Variants in ZNF398 observed in about 807,000 individuals in gnomAD.
ZNF398 encodes the protein zinc finger protein 398, also known as zinc finger DNA binding protein ZER6.
A neutral mutation model predicts 41.9 loss-of-function variants in ZNF398; 18 were observed. The observed-to-expected ratio is 0.43, with a 90% CI of 0.30 to 0.64. The LOEUF is 0.64. Among genes scored for constraint, ZNF398 ranks in the 30% least tolerant of loss-of-function variants. The pLI is 0.14. For synonymous variants in ZNF398, 260 were observed against 308.8 expected (o/e 0.84, Z 1.66); for missense variants, 669 against 822.8 (o/e 0.81, Z 2.29).
chr7:149,163,900 G>A (rs1417129996), intron 2 of ZNF398, among the ~76,000 whole-genome samples: 1 of 151,494 alleles, frequency 6.6e-6, no homozygotes, highest in Admixed American at 6.6e-5. Context: ...ATCATTTGAG[G>A]TCAGGAGTCG....
exon 1 of ZNF398, chr7:149,126,453 G>A (rs1356976887): frequency 7.6e-5 from 49 of 645,466 alleles, no homozygotes; most frequent in South Asian, 6.6e-5. Context: ...CCCTCCGTGC[G>A]GGCCGCAGCA....
At chr7:149,156,861 CAAAAA>C (rs11400806) in intron 2 of ZNF398, among the ~76,000 whole-genome samples, 1 of 141,180 alleles carries the variant, frequency 7.1e-6, no homozygotes, top group South Asian at 2.2e-4. Flanking sequence ...AACTCCATTT[CAAAAA>C]AAAAAAAAAG....
intron 2 of ZNF398, among the ~76,000 whole-genome samples, chr7:149,135,827 C>A (rs948227298): frequency 6.6e-6 from 1 of 151,846 alleles, no homozygotes; most frequent in African/African-American, 2.4e-5. Context: ...CATGGTGGTG[C>A]GCGCCTGTAG....
At chr7:149,176,159 C>T (rs1479498383) in intron 4 of ZNF398, among the ~76,000 whole-genome samples, 1 of 151,822 alleles carries the variant, frequency 6.6e-6, no homozygotes, top group Admixed American at 6.6e-5. Flanking sequence ...GGTGAAACCC[C>T]ATCTCTACTA....
In ZNF398 at chr7:149,147,593, C is replaced by G. The variant is rs1245018134; in HGVS notation, c.-150C>G. 3.4e-6 allele frequency: 3 copies of G among 886,436 alleles called. No individual in the cohort carries two copies. The highest frequency in any genetic ancestry group is 1.8e-5 in the African/African-American group (1 of 56,838). The allele number at this position is 886,436 out of a possible 1,614,324, so 54.9% of individuals were successfully genotyped here. ...CCTGCGCGTCCCGAGCCCCGACGGC[C>G]GCGTGAGTCCCGTCCGTGCGGGGAA... On this transcript the variant is annotated 5_prime_UTR_variant, in exon 1 of 6. Coordinates refer to ENST00000475153, the MANE Select transcript of ZNF398 (RefSeq NM_170686.3). This position sits in a 1 kb window ranked among gnomAD's most constrained non-coding sequence, Gnocchi z 5.6.
At chr7:149,137,030 C>G (rs1826728924) in intron 2 of ZNF398, among the ~76,000 whole-genome samples, 1 of 152,014 alleles carries the variant, frequency 6.6e-6, no homozygotes, top group Non-Finnish European at 1.5e-5. Flanking sequence ...GCATGCCTGG[C>G]TAATTTTTGT....
At position 149,147,785 on chromosome 7, in the gene ZNF398, G is replaced by A. The variant is rs1826990939; in HGVS notation, c.24+19G>A. On this transcript the variant is annotated intron_variant, in intron 1 of 5. Transcript: ENST00000475153. The surrounding 1 kb of genome is among the most constrained non-coding windows in gnomAD (Gnocchi z 5.6). ...GGCCCCGGTAAGGGCGGCCGCGCGC[G>A]AGTGTTGTGAGCCCCCGAGACCCAG... is the stretch of plus-strand genomic sequence containing the variant. The A allele has an allele frequency of 2.1e-6, 3 of 1,396,142 alleles. No homozygotes were observed. The highest frequency in any genetic ancestry group is 1.6e-5 in the South Asian group (1 of 64,358). 86.5% of individuals were successfully genotyped at this position (1,396,142 alleles called of 1,614,324 possible).
intron 2 of ZNF398, among the ~76,000 whole-genome samples, chr7:149,161,219 G>T (rs939165094): frequency 2.0e-5 from 3 of 152,060 alleles, no homozygotes; most frequent in Non-Finnish European, 4.4e-5. Flanking sequence ...GAGACAATGG[G>T]CTGACAACCT....
At chr7:149,166,440 T>C (rs1186612810) in intron 3 of ZNF398, among the ~76,000 whole-genome samples, 156 bp downstream of exon 3, 5 of 152,220 alleles carry the variant, frequency 3.3e-5, no homozygotes. Flanking sequence ...GCTTGCTAAC[T>C]AGGAATCATA....
intron 3 of ZNF398, 125 bp downstream of exon 3, chr7:149,166,409 G>T: frequency 8.6e-7 from 1 of 1,166,960 alleles, no homozygotes. Context: ...CTGGTTTCAA[G>T]CCAAAATATG....
At chr7:149,155,521 T>C (rs1169714483) in intron 2 of ZNF398, among the ~76,000 whole-genome samples, 3 of 151,872 alleles carry the variant, frequency 2.0e-5, no homozygotes, top group African/African-American at 7.3e-5. Context: ...AGCTTAAGCA[T>C]GAATAATTTT....
chr7:149,182,702 CTT>C lies in ZNF398; in HGVS notation c.*2903_*2904del, dbSNP rs764464545. The C allele has an allele frequency of 6.6e-6, 1 of 152,214 alleles. No individual in the cohort carries two copies. The highest frequency in any genetic ancestry group is 2.4e-5 in the African/African-American group (1 of 41,452). 9.4% of individuals were successfully genotyped at this position (152,214 alleles called of 1,614,324 possible). ...GGTGTTGACTATAACCAGATTTACTCTTTGCTTACTAGGTTTTCCATTGTCAC... is the reference window on the plus strand; with the variant it reads ...GGTGTTGACTATAACCAGATTTACTCTGCTTACTAGGTTTTCCATTGTCAC... On this transcript the variant is annotated 3_prime_UTR_variant, in exon 6 of 6. Transcript: ENST00000475153.
chr7:149,181,724 G>C lies in ZNF398; in HGVS notation c.*1923G>C, dbSNP rs1275480391. The C allele has an allele frequency of 6.6e-6, 1 of 152,188 alleles. No individual in the cohort carries two copies. 9.4% of individuals were successfully genotyped at this position (152,188 alleles called of 1,614,324 possible). On this transcript the variant is annotated 3_prime_UTR_variant, in exon 6 of 6. Coordinates refer to ENST00000475153, the MANE Select transcript of ZNF398 (RefSeq NM_170686.3). ...TGTGTGTCTGCTGTCATAACTTACAGTGAAAAAGCCCAATAATACAGAACA... is the reference window on the plus strand; with the variant it reads ...TGTGTGTCTGCTGTCATAACTTACACTGAAAAAGCCCAATAATACAGAACA...
At chr7:149,133,421 T>C (rs1826637115) in intron 2 of ZNF398, among the ~76,000 whole-genome samples, 2 of 151,576 alleles carry the variant, frequency 1.3e-5, no homozygotes, top group African/African-American at 4.8e-5. Context: ...GCCATCAGCA[T>C]GGTCTTTATG....
At chr7:149,126,883 G>C (rs1826491581) in intron 1 of ZNF398, among the ~76,000 whole-genome samples, 1 of 152,204 alleles carries the variant, frequency 6.6e-6, no homozygotes, top group Admixed American at 6.5e-5. Context: ...CGGTCCCCGT[G>C]GGTGCAGCGC....
intron 2 of ZNF398, among the ~76,000 whole-genome samples, chr7:149,141,169 A>ATAAATCATCTT (rs1264360273): frequency 6.6e-6 from 1 of 152,112 alleles, no homozygotes; most frequent in Non-Finnish European, 1.5e-5. Context: ...CACATATATG[A>ATAAATCATCTT]TAAATCATCT....
chr7:149,131,591 CAGG>C (rs921792976), intron 2 of ZNF398, among the ~76,000 whole-genome samples: 1 of 152,114 alleles, frequency 6.6e-6, no homozygotes, highest in Admixed American at 6.6e-5. Flanking sequence ...GAGGCTGAGG[CAGG>C]AGAATTGCTT....
At chr7:149,167,680 G>A (rs1041034288) in intron 4 of ZNF398, among the ~76,000 whole-genome samples, 14 of 130,680 alleles carry the variant, frequency 1.1e-4, no homozygotes, top group African/African-American at 3.6e-4. Context: ...ATGCGATCTC[G>A]ACTCACTGCA....
At chr7:149,169,236 C>T (rs1795282278) in intron 4 of ZNF398, among the ~76,000 whole-genome samples, 1 of 152,042 alleles carries the variant, frequency 6.6e-6, no homozygotes, top group South Asian at 2.1e-4. Context: ...AGGCATGTGC[C>T]ACCATGCCCA....
Sources: allele counts gnomAD v4.1 joint callset (sites outside exome capture counted in the v4.1 genomes callset), GRCh38; gene constraint gnomAD v4.1.1; non-coding constraint Gnocchi (gnomAD v3.1); transcripts MANE v1.5; gene names NCBI Gene and HGNC (gene_info 2026-07-23, HGNC 2026-07-21).